Variants in CSNK1G1 observed in about 807,000 individuals in gnomAD.
CSNK1G1 encodes casein kinase 1 gamma 1.
In CSNK1G1, 22 loss-of-function variants were observed where a neutral mutation model predicts 59.6. That is an observed-to-expected ratio of 0.37 (90% CI 0.26 to 0.53). The LOEUF (loss-of-function observed/expected upper bound fraction) is 0.53. Ranked by LOEUF, CSNK1G1 falls within the 20% of genes least tolerant of loss-of-function variation. CSNK1G1 has a pLI of 0.89. For missense variants in CSNK1G1, 384 were observed against 519.5 expected, an observed-to-expected ratio of 0.74 and a Z score of 2.54; for synonymous variants, 179 against 177.1, an observed-to-expected ratio of 1.01 and a Z score of -0.08.
chr15:64,275,812 A>T (rs1893580149), intron 2 of CSNK1G1, among the ~76,000 whole-genome samples: 1 of 152,212 alleles, frequency 6.6e-6, no homozygotes, highest in South Asian at 2.1e-4. Context: ...ATAAAATATT[A>T]TTTCATGAAA....
At chr15:64,306,457 T>C (rs910163211) in intron 1 of CSNK1G1, among the ~76,000 whole-genome samples, 3 of 152,200 alleles carry the variant, frequency 2.0e-5, no homozygotes, top group Non-Finnish European at 2.9e-5. Flanking sequence ...CTTATTAGAA[T>C]AGTGAAAATC....
chr15:64,355,042 G>A (rs1339824773), intron 1 of CSNK1G1, among the ~76,000 whole-genome samples: 4 of 152,094 alleles, frequency 2.6e-5, no homozygotes. Flanking sequence ...AAATGAAGAG[G>A]ATCTTTCTAC....
rs139994158 is a variant in CSNK1G1 at position 64,299,859 on chromosome 15, C to G, written c.181+460G>C. ...TCTCCAAACAGGATGTACTGTATAT[C>G]CTTGCAGACTAAGCCTGGGTATTAC... On this transcript the variant is annotated intron_variant, in intron 2 of 11. Coordinates refer to ENST00000303052, the MANE Select transcript of CSNK1G1 (RefSeq NM_022048.5). 1.5e-3 allele frequency among the ~76,000 whole-genome samples: 231 copies of G among 152,188 alleles called. 3 individuals carry two copies. Among genetic ancestry groups the G allele is most frequent in the African/African-American group, 5.4e-3 (224 of 41,510 alleles).
At chr15:64,199,189 T>C (rs2082074872) in intron 10 of CSNK1G1, among the ~76,000 whole-genome samples, 1 of 139,450 alleles carries the variant, frequency 7.2e-6, no homozygotes, top group Admixed American at 7.8e-5. Flanking sequence ...AAGTTGAGGC[T>C]GCAGTGAGCT....
At position 64,270,522 on chromosome 15, in the gene CSNK1G1, G is replaced by T. The variant is rs370302763; in HGVS notation, c.182-11281C>A. Among the ~76,000 whole-genome samples the T allele has an allele frequency of 1.6e-4, 24 of 152,236 alleles. No individual in the cohort carries two copies. The East Asian group carries it at 3.9e-3, about 24-fold the overall frequency. ...CGCCTGTAATCTCAGCACTTTGGGAGGCCGAGATGGGCGGATCACGAGGTC... is the reference window on the plus strand; with the variant it reads ...CGCCTGTAATCTCAGCACTTTGGGATGCCGAGATGGGCGGATCACGAGGTC... On this transcript the variant is annotated intron_variant, in intron 2 of 11. Transcript: ENST00000303052.
At chr15:64,217,711 G>A (rs1278769046) in intron 4 of CSNK1G1, among the ~76,000 whole-genome samples, 1 of 151,782 alleles carries the variant, frequency 6.6e-6, no homozygotes, top group Non-Finnish European at 1.5e-5. Flanking sequence ...AGCTACTCAG[G>A]AGGCTGAGAC....
Position 64,168,177 on chromosome 15 carries a change from C to G in CSNK1G1, c.*3754G>C, listed in dbSNP as rs374196174. The G allele has an allele frequency of 1.3e-5, 2 of 152,680 alleles. No individual in the cohort carries two copies. Among genetic ancestry groups the G allele is most frequent in the East Asian group, 3.8e-4 (2 of 5,206 alleles). The allele number at this position is 152,680 out of a possible 1,614,324, so 9.5% of individuals were successfully genotyped here. A position where few individuals can be genotyped will look rare whatever the true frequency, so the allele number is the denominator to read the frequency against. ...TCAGGATCTCTGCTGTCATCTGTAG[C>G]TCATGCATTCCAATATAAAATGGGA... On this transcript the variant is annotated 3_prime_UTR_variant, in exon 12 of 12. Coordinates refer to ENST00000303052, the MANE Select transcript of CSNK1G1 (RefSeq NM_022048.5).
chr15:64,346,631 T>A (rs917475525), intron 1 of CSNK1G1, among the ~76,000 whole-genome samples: 1 of 151,732 alleles, frequency 6.6e-6, no homozygotes, highest in African/African-American at 2.4e-5. Flanking sequence ...CTAATTTTTG[T>A]ATTTTTAGTA....
At chr15:64,279,743 G>T (rs995850170) in intron 2 of CSNK1G1, among the ~76,000 whole-genome samples, 2 of 152,078 alleles carry the variant, frequency 1.3e-5, no homozygotes, top group African/African-American at 4.8e-5. Flanking sequence ...GGAGGCCGAG[G>T]TGGGCGGATC....
At chr15:64,273,877 A>T (rs1179983951) in intron 2 of CSNK1G1, among the ~76,000 whole-genome samples, 1 of 152,262 alleles carries the variant, frequency 6.6e-6, no homozygotes, top group Non-Finnish European at 1.5e-5. Context: ...TAATTAGCGG[A>T]GAACAGACTT....
intron 10 of CSNK1G1, among the ~76,000 whole-genome samples, chr15:64,195,456 G>A (rs958824525): frequency 3.9e-5 from 6 of 152,234 alleles, no homozygotes; most frequent in African/African-American, 2.4e-5. Context: ...CGTAAGGATT[G>A]TCACAAGCTT....
Position 64,168,561 on chromosome 15 carries a change from T to C in CSNK1G1, c.*3370A>G, listed in dbSNP as rs1430265100. On this transcript the variant is annotated 3_prime_UTR_variant, in exon 12 of 12. Transcript: ENST00000303052. ...TAATGTATACTATTAAGGGTTTTTA[T>C]GAATAGATGCTGAGTTAGCTTTCAG... 2 of 152,240 alleles carry C rather than the reference T, an allele frequency of 1.3e-5. No individual in the cohort carries two copies. The highest frequency in any genetic ancestry group is 6.5e-5 in the Admixed American group (1 of 15,284). The allele number at this position is 152,240 out of a possible 1,614,324, so 9.4% of individuals were successfully genotyped here. A position where few individuals can be genotyped will look rare whatever the true frequency, so the allele number is the denominator to read the frequency against.
chr15:64,300,176 C>A (rs746681002), intron 2 of CSNK1G1, 143 bp downstream of exon 2: 8 of 718,696 alleles, frequency 1.1e-5, no homozygotes, highest in Non-Finnish European at 1.9e-5. Flanking sequence ...GACTATAGTG[C>A]CCCTTCACAA....
chr15:64,351,086 T>C (rs1898259082), intron 1 of CSNK1G1, among the ~76,000 whole-genome samples: 1 of 152,170 alleles, frequency 6.6e-6, no homozygotes, highest in Non-Finnish European at 1.5e-5. Context: ...TACTAAAATC[T>C]ATGACACCAG....
intron 2 of CSNK1G1, among the ~76,000 whole-genome samples, chr15:64,299,571 G>T (rs1257306096): frequency 4.7e-5 from 7 of 150,250 alleles, no homozygotes; most frequent in Admixed American, 4.6e-4. Context: ...CAGCCTGGGC[G>T]ACAGAGTAAG....
At chr15:64,336,623 T>C (rs1030383634) in intron 1 of CSNK1G1, among the ~76,000 whole-genome samples, 6 of 152,060 alleles carry the variant, frequency 3.9e-5, no homozygotes, top group African/African-American at 9.7e-5. Context: ...AATTAATTTT[T>C]GATCTGAAAA....
chr15:64,187,839 C>A (rs2081918594), intron 10 of CSNK1G1, among the ~76,000 whole-genome samples: 2 of 152,046 alleles, frequency 1.3e-5, no homozygotes, highest in South Asian at 2.1e-4. Context: ...TCAGAATAGC[C>A]CAAATGAAAT....
At chr15:64,252,258 T>C (rs946186248) in intron 3 of CSNK1G1, among the ~76,000 whole-genome samples, 15 of 149,322 alleles carry the variant, frequency 1.0e-4, no homozygotes, top group Non-Finnish European at 1.9e-4. Context: ...TATAATTTCT[T>C]TTTTTTTTTA....
intron 1 of CSNK1G1, among the ~76,000 whole-genome samples, chr15:64,321,263 T>G (rs1245706253): frequency 6.6e-6 from 1 of 151,344 alleles, no homozygotes; most frequent in Non-Finnish European, 1.5e-5. Flanking sequence ...TTTTCCTTTT[T>G]TTTTTTTTTG....
Sources: allele counts gnomAD v4.1 joint callset (sites outside exome capture counted in the v4.1 genomes callset), GRCh38; gene constraint gnomAD v4.1.1; transcripts MANE v1.5; gene names NCBI Gene and HGNC (gene_info 2026-07-23, HGNC 2026-07-21).